NXPH1: variants seen among roughly 807,000 people sequenced by gnomAD.
NXPH1 encodes neurexophilin-1.
In NXPH1, 5 loss-of-function variants were observed where a neutral mutation model predicts 23.7. The observed-to-expected ratio is 0.21, with a 90% CI of 0.11 to 0.44. The LOEUF (loss-of-function observed/expected upper bound fraction) is 0.44. Among genes scored for constraint, NXPH1 ranks in the 20% least tolerant of loss-of-function variants. The pLI, the probability that NXPH1 is intolerant of heterozygous loss-of-function variation, is 0.99. For synonymous variants in NXPH1, 144 were observed against 122.2 expected, an observed-to-expected ratio of 1.18 and a Z score of -1.18; for missense variants, 324 against 321.6, an observed-to-expected ratio of 1.01 and a Z score of -0.06.
At chr7:8,447,139 C>A (rs553418748) in intron 2 of NXPH1, among the ~76,000 whole-genome samples, 59 of 152,282 alleles carry the variant, frequency 3.9e-4, no homozygotes, top group Non-Finnish European at 7.5e-4. Context: ...AATTCTAAAG[C>A]CTGTTTGCAG....
At chr7:8,574,339 C>A (rs769091845) in intron 2 of NXPH1, among the ~76,000 whole-genome samples, 4 of 152,048 alleles carry the variant, frequency 2.6e-5, no homozygotes, top group Non-Finnish European at 5.9e-5. Context: ...GTCTCCAGCT[C>A]CTGGGCTCCA....
intron 2 of NXPH1, among the ~76,000 whole-genome samples, chr7:8,504,071 AG>A (rs973522735): frequency 1.1e-4 from 17 of 152,014 alleles, no homozygotes; most frequent in African/African-American, 3.9e-4. Flanking sequence ...GCTTCATTTC[AG>A]GGATGCATTA....
intron 2 of NXPH1, among the ~76,000 whole-genome samples, chr7:8,671,698 G>A (rs1820871659): frequency 6.6e-6 from 1 of 152,094 alleles, no homozygotes; most frequent in African/African-American, 2.4e-5. Flanking sequence ...AGAAAAATTG[G>A]GTCTGGCACT....
intron 2 of NXPH1, among the ~76,000 whole-genome samples, chr7:8,500,417 A>T (rs1817412413): frequency 6.6e-6 from 1 of 152,050 alleles, no homozygotes; most frequent in African/African-American, 2.4e-5. Context: ...TTGAGTTTGA[A>T]TTCGAGCGTG....
intron 2 of NXPH1, among the ~76,000 whole-genome samples, chr7:8,626,327 C>G (rs555054708): frequency 6.6e-6 from 1 of 151,870 alleles, no homozygotes; most frequent in Non-Finnish European, 1.5e-5. Flanking sequence ...CTTTGTTGAA[C>G]CTCATGGACT....
intron 2 of NXPH1, among the ~76,000 whole-genome samples, chr7:8,642,364 G>A (rs1262391040): frequency 3.9e-5 from 6 of 152,232 alleles, no homozygotes; most frequent in South Asian, 4.2e-4. Flanking sequence ...TATTTTGTAG[G>A]TGGCCTCTTT....
intron 2 of NXPH1, among the ~76,000 whole-genome samples, chr7:8,497,221 A>G (rs1817352869): frequency 1.3e-5 from 2 of 152,176 alleles, no homozygotes; most frequent in African/African-American, 2.4e-5. Context: ...ATAGTATTCC[A>G]TGGTGTATAT....
intron 2 of NXPH1, among the ~76,000 whole-genome samples, chr7:8,539,479 C>T (rs578241122): frequency 1.3e-5 from 2 of 151,576 alleles, no homozygotes; most frequent in Admixed American, 6.6e-5. Context: ...CTTTTCTTTT[C>T]GTAAATAAGT....
At chr7:8,622,082 T>C (rs1014473808) in intron 2 of NXPH1, among the ~76,000 whole-genome samples, 1 of 152,208 alleles carries the variant, frequency 6.6e-6, no homozygotes, top group African/African-American at 2.4e-5. Flanking sequence ...AGCAAATTCT[T>C]AGAATTACTA....
chr7:8,683,864 G>C (rs2115178887), intron 2 of NXPH1, among the ~76,000 whole-genome samples: 1 of 152,208 alleles, frequency 6.6e-6, no homozygotes, highest in Non-Finnish European at 1.5e-5. Flanking sequence ...ACAAGAAATA[G>C]ACAATGCCCA....
At chr7:8,715,676 G>T (rs190443848) in intron 2 of NXPH1, among the ~76,000 whole-genome samples, 1 of 152,170 alleles carries the variant, frequency 6.6e-6, no homozygotes, top group Non-Finnish European at 1.5e-5. Context: ...GAGCCACTAG[G>T]GTTGTGGAGA....
At chr7:8,448,676 GTGTGGCGGCACA>G (rs1331736814) in intron 2 of NXPH1, among the ~76,000 whole-genome samples, 1 of 152,118 alleles carries the variant, frequency 6.6e-6, no homozygotes, top group Non-Finnish European at 1.5e-5. Flanking sequence ...AACGAGCCGG[GTGTGGCGGCACA>G]TGCCTGTAGT....
At chr7:8,570,002 C>G (rs1288118840) in intron 2 of NXPH1, among the ~76,000 whole-genome samples, 1 of 151,858 alleles carries the variant, frequency 6.6e-6, no homozygotes, top group African/African-American at 2.4e-5. Flanking sequence ...ATAGTTGGTA[C>G]AATGCCCAGC....
At chr7:8,530,426 G>A (rs1453552490) in intron 2 of NXPH1, among the ~76,000 whole-genome samples, 1 of 152,170 alleles carries the variant, frequency 6.6e-6, no homozygotes, top group Non-Finnish European at 1.5e-5. Flanking sequence ...TCCCATTTGT[G>A]AATGAAGGAG....
chr7:8,457,123 G>A (rs1584167202), intron 2 of NXPH1, among the ~76,000 whole-genome samples: 1 of 152,182 alleles, frequency 6.6e-6, no homozygotes, highest in African/African-American at 2.4e-5. Context: ...TGGCTTTTAA[G>A]TGGTGTTTTC....
chr7:8,750,988 T>C lies in NXPH1; in HGVS notation c.55-20T>C, dbSNP rs969068305. 10 of 1,610,288 alleles carry C rather than the reference T, an allele frequency of 6.2e-6. No homozygotes were observed. Among genetic ancestry groups the C allele is most frequent in the Non-Finnish European group, 8.5e-6 (10 of 1,177,268 alleles). On this transcript the variant is annotated intron_variant, in intron 2 of 2. Transcript: ENST00000405863. ...CTCAGATGCAGAGATGTAAATGCCATTTTTCTCTTCTGTTTTCAGGTCACA... is the reference window on the plus strand; with the variant it reads ...CTCAGATGCAGAGATGTAAATGCCACTTTTCTCTTCTGTTTTCAGGTCACA...
chr7:8,736,652 G>T (rs1780261901), intron 2 of NXPH1, among the ~76,000 whole-genome samples: 1 of 152,104 alleles, frequency 6.6e-6, no homozygotes, highest in Admixed American at 6.5e-5. Flanking sequence ...GGTCCTCTTG[G>T]TCCATAGCTG....
At chr7:8,565,747 A>G (rs73235725) in intron 2 of NXPH1, among the ~76,000 whole-genome samples, 12,489 of 151,826 alleles carry the variant, frequency 0.082, 1,680 homozygotes, top group African/African-American at 0.28. Context: ...GAATAAACTT[A>G]TACTACCTCT....
intron 2 of NXPH1, among the ~76,000 whole-genome samples, chr7:8,528,891 G>T (rs1817907095): frequency 6.6e-6 from 1 of 152,168 alleles, no homozygotes; most frequent in South Asian, 2.1e-4. Flanking sequence ...TGTTATTTCA[G>T]TTTCTGTAGG....
Sources: gnomAD v4.1 joint callset for allele counts (sites outside exome capture counted in the v4.1 genomes callset) on GRCh38, gnomAD v4.1.1 for gene constraint, MANE v1.5 for transcripts, NCBI Gene and HGNC (gene_info 2026-07-23, HGNC 2026-07-21) for gene names.